Variants in SEMA3A observed in about 807,000 individuals in gnomAD.
SEMA3A encodes the protein semaphorin-3A.
A neutral mutation model predicts 97.9 loss-of-function variants in SEMA3A; 29 were observed. That is an observed-to-expected ratio of 0.30 (90% CI 0.22 to 0.40). The LOEUF (loss-of-function observed/expected upper bound fraction) is 0.40. SEMA3A is among the 10% of genes least tolerant of loss of function. The pLI is 1.00. For synonymous variants in SEMA3A, 321 were observed against 323.7 expected, an observed-to-expected ratio of 0.99 and a Z score of 0.09; for missense variants, 763 against 951.3, an observed-to-expected ratio of 0.80 and a Z score of 2.60.
At chr7:84,042,521 G>A (rs1463392188) in intron 6 of SEMA3A, among the ~76,000 whole-genome samples, 1 of 151,976 alleles carries the variant, frequency 6.6e-6, no homozygotes, top group Admixed American at 6.6e-5. Context: ...TCCTAAGCGT[G>A]CTCCACCCAA....
intron 1 of SEMA3A, among the ~76,000 whole-genome samples, chr7:84,466,161 TTTTG>T (rs34178034): frequency 0.28 from 41,664 of 151,408 alleles, 7,860 homozygotes; most frequent in East Asian, 0.78. Flanking sequence ...TTGTTAGGTT[TTTTG>T]TTTGTTTGTT....
intron 2 of SEMA3A, among the ~76,000 whole-genome samples, chr7:84,347,673 G>T (rs1206915229): frequency 6.6e-6 from 1 of 152,080 alleles, no homozygotes; most frequent in Non-Finnish European, 1.5e-5. Flanking sequence ...GCCTCCCAAA[G>T]TGCTGGAATT....
At chr7:84,047,901 T>C (rs888379959) in intron 5 of SEMA3A, among the ~76,000 whole-genome samples, 2 of 151,912 alleles carry the variant, frequency 1.3e-5, no homozygotes, top group Non-Finnish European at 2.9e-5. Context: ...ATTCCTTTGG[T>C]AGAACCTTTG....
At chr7:84,448,021 G>A (rs1805466670) in intron 1 of SEMA3A, among the ~76,000 whole-genome samples, 1 of 152,172 alleles carries the variant, frequency 6.6e-6, no homozygotes, top group South Asian at 2.1e-4. Flanking sequence ...GCAGCAGCTG[G>A]TGTGCCCGGT....
chr7:84,256,621 T>C (rs1334472846), intron 3 of SEMA3A, among the ~76,000 whole-genome samples: 2 of 152,092 alleles, frequency 1.3e-5, no homozygotes, highest in African/African-American at 4.8e-5. Context: ...AAGGGGTTAC[T>C]GTTTATCATA....
chr7:83,998,644 A>G (rs2116376744), intron 12 of SEMA3A, among the ~76,000 whole-genome samples: 1 of 151,432 alleles, frequency 6.6e-6, no homozygotes, highest in South Asian at 2.1e-4. Flanking sequence ...TTTACAATAT[A>G]AACTATTGAA....
chr7:84,470,372 A>C (rs1385731505), intron 1 of SEMA3A, among the ~76,000 whole-genome samples: 2 of 152,148 alleles, frequency 1.3e-5, no homozygotes, highest in African/African-American at 4.8e-5. Context: ...CTAGATTTGA[A>C]CTAAGCTATA....
At chr7:84,002,820 T>C (rs1011998189) in intron 11 of SEMA3A, among the ~76,000 whole-genome samples, 1 of 152,164 alleles carries the variant, frequency 6.6e-6, no homozygotes, top group Non-Finnish European at 1.5e-5. Context: ...TCAAACCTTA[T>C]TTGTTTTTCT....
intron 3 of SEMA3A, among the ~76,000 whole-genome samples, chr7:84,240,242 A>G (rs1437039667): frequency 1.3e-5 from 2 of 152,154 alleles, no homozygotes; most frequent in South Asian, 2.1e-4. Context: ...TTAAAAAAAG[A>G]TTTTAGTAGG....
intron 3 of SEMA3A, 100 bp from the exon 4 acceptor site, chr7:84,110,689 C>CT: frequency 1.6e-6 from 2 of 1,275,608 alleles, no homozygotes; most frequent in East Asian, 2.5e-5. Context: ...CTTTTGTTTT[C>CT]TTTCTTTTTT....
At chr7:84,355,236 A>G (rs1584260019) in intron 2 of SEMA3A, among the ~76,000 whole-genome samples, 2 of 152,018 alleles carry the variant, frequency 1.3e-5, no homozygotes, top group Admixed American at 6.6e-5. Flanking sequence ...GTAGCATACT[A>G]TGATTTCATT....
intron 1 of SEMA3A, among the ~76,000 whole-genome samples, chr7:84,429,516 T>TTATATATATATATATATATA (rs10523978): frequency 0.014 from 1,013 of 72,086 alleles, 29 homozygotes; most frequent in African/African-American, 0.018. Context: ...ATAGAGTTTG[T>TTATATATATATATATATATA]TATATATATA....
At chr7:84,108,214 C>T (rs982578900) in intron 4 of SEMA3A, among the ~76,000 whole-genome samples, 3 of 151,924 alleles carry the variant, frequency 2.0e-5, no homozygotes, top group African/African-American at 7.3e-5. Flanking sequence ...AACTTAGATA[C>T]AGAGGAGGTA....
At chr7:83,967,970 AT>A in intron 15 of SEMA3A, among the ~76,000 whole-genome samples, 1 of 152,268 alleles carries the variant, frequency 6.6e-6, no homozygotes, top group African/African-American at 2.4e-5. Flanking sequence ...TTTGAAATAT[AT>A]ACTACTTTAT....
chr7:84,359,290 C>G (rs994811086), intron 2 of SEMA3A, among the ~76,000 whole-genome samples: 1 of 151,788 alleles, frequency 6.6e-6, no homozygotes, highest in African/African-American at 2.4e-5. Flanking sequence ...ATAAATAGCT[C>G]TTATTATTTT....
At chr7:84,004,264 G>C (rs796115113) in intron 11 of SEMA3A, among the ~76,000 whole-genome samples, 1 of 151,316 alleles carries the variant, frequency 6.6e-6, no homozygotes, top group African/African-American at 2.4e-5. Flanking sequence ...AAAAAGAGCT[G>C]GGAAAAAATA....
intron 1 of SEMA3A, among the ~76,000 whole-genome samples, chr7:84,401,384 T>C (rs1308333839): frequency 6.6e-6 from 1 of 152,094 alleles, no homozygotes; most frequent in African/African-American, 2.4e-5. Context: ...AAATATTCCA[T>C]TTTCATGGAT....
intron 6 of SEMA3A, among the ~76,000 whole-genome samples, chr7:84,025,910 T>C (rs183197593): frequency 4.0e-4 from 61 of 152,318 alleles, no homozygotes; most frequent in African/African-American, 1.4e-3. Context: ...ATGGAGTGTT[T>C]GCACCTATGT....
chr7:83,981,641 T>C (rs746665974), intron 13 of SEMA3A, among the ~76,000 whole-genome samples, 163 bp from the exon 14 acceptor site: 1 of 152,330 alleles, frequency 6.6e-6, no homozygotes, highest in East Asian at 1.9e-4. Context: ...CTAGACAAGA[T>C]GGCAGTTTAA....
Sources: allele counts gnomAD v4.1 joint callset (sites outside exome capture counted in the v4.1 genomes callset), GRCh38; gene constraint gnomAD v4.1.1; transcripts MANE v1.5; gene names NCBI Gene and HGNC (gene_info 2026-07-23, HGNC 2026-07-21).